Variants in ADNP observed in about 807,000 individuals in gnomAD.
The protein encoded by ADNP is activity-dependent neuroprotector homeobox protein.
Under a neutral mutation model 84.9 loss-of-function variants are expected in ADNP, and 4 were observed. The observed-to-expected ratio is 0.05, with a 90% confidence interval of 0.02 to 0.11. The LOEUF is 0.11. Among genes scored for constraint, ADNP ranks in the 10% least tolerant of loss-of-function variants. The probability of loss-of-function intolerance (pLI) is 1.00; values close to 1 mark genes in which losing one functional copy is unlikely to be tolerated. For synonymous variants in ADNP, 554 were observed against 468.1 expected (o/e 1.18, Z -2.37); for missense variants, 1,132 against 1,326.0 (o/e 0.85, Z 2.27).
intron 2 of ADNP, among the ~76,000 whole-genome samples, chr20:50,917,153 T>C (rs1254402426): frequency 6.6e-6 from 1 of 152,190 alleles, no homozygotes; most frequent in Non-Finnish European, 1.5e-5. Flanking sequence ...CCAAACTCTA[T>C]CTTTGGCATT....
At chr20:50,904,438 A>G (rs1982286126) in intron 3 of ADNP, 1 of 156,792 alleles carries the variant, frequency 6.4e-6, no homozygotes, top group African/African-American at 2.4e-5. Context: ...GGCTGCTCAC[A>G]AACTCCTGGA....
At chr20:50,919,926 CGAG>C (rs1568741773) in intron 2 of ADNP, among the ~76,000 whole-genome samples, 2 of 151,990 alleles carry the variant, frequency 1.3e-5, no homozygotes, top group African/African-American at 4.8e-5. Context: ...TGGTAGGCAC[CGAG>C]GAGATGCTGC....
At chr20:50,912,162 A>C (rs1235456063) in intron 2 of ADNP, among the ~76,000 whole-genome samples, 2 of 152,172 alleles carry the variant, frequency 1.3e-5, no homozygotes, top group African/African-American at 4.8e-5. Context: ...GTGATTTTCA[A>C]ACCTTATTTT....
At chr20:50,903,168 TG>T (rs994357822) in intron 4 of ADNP, among the ~76,000 whole-genome samples, 6 of 151,838 alleles carry the variant, frequency 4.0e-5, no homozygotes, top group Admixed American at 3.3e-4. Flanking sequence ...TAAAGGTTAG[TG>T]GGGGAAACAG....
In ADNP at chr20:50,892,438, T is replaced by C. The variant is rs779806850; in HGVS notation, c.2276A>G (p.His759Arg). 1.1e-5 allele frequency: 17 copies of C among 1,614,234 alleles called. No homozygotes were observed. Among genetic ancestry groups the C allele is most frequent in the Non-Finnish European group, 1.0e-5 (12 of 1,180,046 alleles). ...PVVLALDPKG[H>R]EDDSYEARKS... ...CCTGGCTTCATAGGAATCATCTTCA[T>C]GACCCTTGGGGTCTAAAGCTAAAAC... The change falls in exon 6 of 6, where the codon CAT becomes CGT. Residue 759 changes from histidine (H) to arginine (R), a missense_variant. Physicochemically the swap from His to Arg is conservative, Grantham distance 29 (BLOSUM62 0). Transcript: ENST00000621696.
At chr20:50,920,143 GGT>G (rs72017800) in intron 2 of ADNP, among the ~76,000 whole-genome samples, 13,577 of 151,342 alleles carry the variant, frequency 0.09, 662 homozygotes, top group African/African-American at 0.13. Flanking sequence ...CGGGCGTGGT[GGT>G]GTGCGCCTGT....
intron 2 of ADNP, among the ~76,000 whole-genome samples, chr20:50,920,385 A>C (rs1348712980): frequency 6.6e-6 from 1 of 151,874 alleles, no homozygotes; most frequent in Non-Finnish European, 1.5e-5. Flanking sequence ...GTTTGAGACA[A>C]GCCTGACCAA....
intron 2 of ADNP, among the ~76,000 whole-genome samples, chr20:50,916,554 A>G (rs958248912): frequency 3.9e-5 from 6 of 152,170 alleles, no homozygotes; most frequent in Non-Finnish European, 7.3e-5. Flanking sequence ...CAGTCTCCCT[A>G]GTTCCCTGGA....
intron 5 of ADNP, among the ~76,000 whole-genome samples, chr20:50,900,749 TA>T (rs1568720406): frequency 1.3e-5 from 2 of 152,204 alleles, no homozygotes; most frequent in South Asian, 2.1e-4. Context: ...TCATTATGGA[TA>T]AATTTTCATA....
chr20:50,927,475 C>A (rs1984366177), intron 2 of ADNP, among the ~76,000 whole-genome samples: 1 of 152,096 alleles, frequency 6.6e-6, no homozygotes, highest in African/African-American at 2.4e-5. Flanking sequence ...TCCCCACACT[C>A]TAGTTAATTG....
rs1384375820 is a variant in ADNP, at chr20:50,931,224, G to A, written c.-663C>T. The A allele has an allele frequency of 4.1e-5, 6 of 145,270 alleles. No individual in the cohort carries two copies. The highest frequency in any genetic ancestry group is 9.2e-5 in the Non-Finnish European group (6 of 65,558). 9.0% of individuals were successfully genotyped at this position (145,270 alleles called of 1,614,324 possible). On this transcript the variant is annotated 5_prime_UTR_variant, in exon 1 of 6. Coordinates refer to ENST00000621696, the MANE Select transcript of ADNP (RefSeq NM_001282531.3). ...CCCCCTTAGCGCTGCCTGCGGGAGG[G>A]GGAGGGGGCACAAGATGGCGGCGGC... is the stretch of plus-strand genomic sequence containing the variant.
Position 50,890,183 on chromosome 20 carries a change from G to A in ADNP, c.*1222C>T, listed in dbSNP as rs905238605. 1 of 257,686 alleles carries A rather than the reference G, an allele frequency of 3.9e-6. No individual in the cohort carries two copies. The highest frequency in any genetic ancestry group is 7.2e-6 in the Non-Finnish European group (1 of 139,238). 16.0% of individuals were successfully genotyped at this position (257,686 alleles called of 1,614,324 possible). A position where few individuals can be genotyped will look rare whatever the true frequency, so the allele number is the denominator to read the frequency against. On this transcript the variant is annotated 3_prime_UTR_variant, in exon 6 of 6. Transcript: ENST00000621696. The stretch of plus-strand genomic sequence containing the variant: ...AAAAGAAAAACAGATTTTGTACCAG[G>A]TGCCTCAAGAGAAAGCATTCTATTT...
intron 2 of ADNP, among the ~76,000 whole-genome samples, chr20:50,908,735 C>T (rs1982739305): frequency 6.6e-6 from 1 of 151,888 alleles, no homozygotes; most frequent in African/African-American, 2.4e-5. Flanking sequence ...GATCGAGCCA[C>T]TGCACTCCAG....
intron 2 of ADNP, among the ~76,000 whole-genome samples, chr20:50,923,336 T>A (rs2122988793): frequency 6.6e-6 from 1 of 152,334 alleles, no homozygotes; most frequent in South Asian, 2.1e-4. Flanking sequence ...CTTTCACTAT[T>A]CTTGAGTAAC....
rs1411110362 is a variant in ADNP, at chr20:50,893,403, T to C, written c.1311A>G (p.Pro437=). ...ACTTTTGAGTTGAGGAAGTGTTACC[T>C]GGGGGAGGGCCTGTGGCAGCTGCAG... ...KPAAAATGPP[P]GNTSSTQKWK... Residue 437 remains proline, a synonymous_variant, in exon 6 of 6, where the codon CCA becomes CCG. Transcript: ENST00000621696. This position sits in a 1 kb window ranked among gnomAD's most constrained non-coding sequence, Gnocchi z 4.4. 1.2e-6 allele frequency: 2 copies of C among 1,614,146 alleles called. No homozygotes were observed. The highest frequency in any genetic ancestry group is 1.3e-5 in the African/African-American group (1 of 75,054).
At chr20:50,920,262 C>CAAA (rs56181933) in intron 2 of ADNP, among the ~76,000 whole-genome samples, 126 of 64,382 alleles carry the variant, frequency 2.0e-3, no homozygotes, top group Admixed American at 2.3e-3. Flanking sequence ...ATTCCACCTC[C>CAAA]AAAAAAAAAA....
chr20:50,912,194 T>G (rs1373054520), intron 2 of ADNP, among the ~76,000 whole-genome samples: 5 of 152,230 alleles, frequency 3.3e-5, no homozygotes, highest in African/African-American at 1.2e-4. Context: ...AGTCTCCCTC[T>G]GTTACCCAGT....
chr20:50,925,519 G>C (rs1984233680), intron 2 of ADNP, among the ~76,000 whole-genome samples: 1 of 152,088 alleles, frequency 6.6e-6, no homozygotes, highest in Admixed American at 6.5e-5. Flanking sequence ...AACAGGATCA[G>C]ACAAACAACA....
At chr20:50,914,185 A>C in intron 2 of ADNP, 1 of 778,450 alleles carries the variant, frequency 1.3e-6, no homozygotes, top group Non-Finnish European at 2.3e-6. Flanking sequence ...TAACTTCAAG[A>C]TGATTCATAT....
Sources: gnomAD v4.1 joint callset for allele counts (sites outside exome capture counted in the v4.1 genomes callset) on GRCh38, gnomAD v4.1.1 for gene constraint, Gnocchi (gnomAD v3.1) non-coding constraint, MANE v1.5 for transcripts, NCBI Gene and HGNC (gene_info 2026-07-23, HGNC 2026-07-21) for gene names.